The following RBM20 variants were observed in gnomAD, a reference collection of about 807,000 sequenced individuals.
RBM20 encodes RNA-binding protein 20.
RBM20 carries 51 observed loss-of-function variants against 110.1 expected under a neutral mutation model. The ratio of observed to expected loss-of-function variants is 0.46; its 90% CI spans 0.37 to 0.59. The LOEUF is 0.59. Ranked by LOEUF, RBM20 falls within the 20% of genes least tolerant of loss-of-function variation. The probability of loss-of-function intolerance (pLI) is 0.00; values close to 1 mark genes in which losing one functional copy is unlikely to be tolerated. For synonymous variants in RBM20, 589 were observed against 618.2 expected (o/e 0.95, Z 0.70); for missense variants, 1,512 against 1,574.9 (o/e 0.96, Z 0.68).
At chr10:110,747,849 C>G (rs1217746271) in intron 1 of RBM20, among the ~76,000 whole-genome samples, 1 of 151,212 alleles carries the variant, frequency 6.6e-6, no homozygotes, top group Admixed American at 6.6e-5. Flanking sequence ...AGTTTTCTTT[C>G]TGCAAGAGAA....
At chr10:110,751,218 G>C (rs545721859) in intron 1 of RBM20, among the ~76,000 whole-genome samples, 1 of 152,322 alleles carries the variant, frequency 6.6e-6, no homozygotes, top group African/African-American at 2.4e-5. Context: ...TGTAAAACCT[G>C]TCTGGGTGCT....
chr10:110,653,871 C>T (rs1456420347), intron 1 of RBM20, among the ~76,000 whole-genome samples: 2 of 152,158 alleles, frequency 1.3e-5, no homozygotes, highest in African/African-American at 2.4e-5. Flanking sequence ...TCTTTTTAAT[C>T]TACCAAGTAT....
chr10:110,691,386 G>C (rs7075052), intron 1 of RBM20, among the ~76,000 whole-genome samples: 5,281 of 152,256 alleles, frequency 0.035, 303 homozygotes, highest in African/African-American at 0.12. Flanking sequence ...ACCATTTTAT[G>C]TTCCCACCAG....
chr10:110,810,855 G>C (rs1469054214), intron 8 of RBM20, among the ~76,000 whole-genome samples: 1 of 151,856 alleles, frequency 6.6e-6, no homozygotes, highest in Non-Finnish European at 1.5e-5. Context: ...GCGTGTGTGT[G>C]TGTGTGTACG....
intron 1 of RBM20, among the ~76,000 whole-genome samples, chr10:110,725,354 G>A (rs183332796): frequency 1.6e-4 from 24 of 152,306 alleles, no homozygotes; most frequent in Admixed American, 1.5e-3. Flanking sequence ...ACCCTTGTGG[G>A]GGACCTGTAG....
chr10:110,783,593 G>A lies in RBM20; in HGVS notation c.1337+166G>A, dbSNP rs117122797. Among the ~76,000 whole-genome samples, 850 of 152,322 alleles carry A rather than the reference G, an allele frequency of 5.6e-3. 3 individuals are homozygous for A. Among genetic ancestry groups the A allele is most frequent in the Middle Eastern group, 0.024 (7 of 294 alleles). On this transcript the variant is annotated intron_variant, in intron 3 of 13. Transcript: ENST00000369519. The stretch of plus-strand genomic sequence containing the variant: ...TGTGCTTCACAGGGGCCAGGGAGAT[G>A]ATAAACAAAATGAACAAGAAAATTA...
intron 1 of RBM20, among the ~76,000 whole-genome samples, chr10:110,770,292 C>T (rs1844170190): frequency 6.6e-6 from 1 of 152,148 alleles, no homozygotes; most frequent in Admixed American, 6.5e-5. Flanking sequence ...TGAGGTACCC[C>T]AGTCCTCAGA....
chr10:110,702,266 G>T (rs1178095737), intron 1 of RBM20, among the ~76,000 whole-genome samples: 1 of 152,206 alleles, frequency 6.6e-6, no homozygotes, highest in Admixed American at 6.5e-5. Flanking sequence ...TCAGCTGAGT[G>T]TGGTGGCTCA....
At chr10:110,749,906 A>C (rs1032038481) in intron 1 of RBM20, among the ~76,000 whole-genome samples, 4 of 152,240 alleles carry the variant, frequency 2.6e-5, no homozygotes, top group Middle Eastern at 3.2e-3. Flanking sequence ...CAACCCCGGG[A>C]GAATATCTTT....
intron 5 of RBM20, among the ~76,000 whole-genome samples, chr10:110,789,131 C>T (rs1728242824): frequency 6.6e-6 from 1 of 152,222 alleles, no homozygotes; most frequent in African/African-American, 2.4e-5. Context: ...CAGCCAGGAT[C>T]CTGCCACTGT....
intron 1 of RBM20, among the ~76,000 whole-genome samples, chr10:110,677,937 A>C (rs1862362993): frequency 6.6e-6 from 1 of 152,128 alleles, no homozygotes; most frequent in South Asian, 2.1e-4. Flanking sequence ...GGGGAACTTC[A>C]TTTTTAATTC....
chr10:110,690,028 A>C (rs1191525392), intron 1 of RBM20, among the ~76,000 whole-genome samples: 1 of 152,220 alleles, frequency 6.6e-6, no homozygotes, highest in Non-Finnish European at 1.5e-5. Context: ...TTATCTTAAA[A>C]ACCCTGGAAA....
intron 1 of RBM20, among the ~76,000 whole-genome samples, chr10:110,725,611 A>G (rs1788086401): frequency 6.6e-6 from 1 of 152,262 alleles, no homozygotes; most frequent in South Asian, 2.1e-4. Context: ...GTGTACATGT[A>G]TAACATAAAA....
intron 1 of RBM20, among the ~76,000 whole-genome samples, chr10:110,747,300 G>GT (rs1183865843): frequency 6.6e-6 from 1 of 150,732 alleles, no homozygotes; most frequent in African/African-American, 2.4e-5. Flanking sequence ...TTTTTTTGGG[G>GT]GGGGGGGTCA....
intron 2 of RBM20, 125 bp downstream of exon 2, chr10:110,782,009 G>A (rs919484420): frequency 3.3e-6 from 4 of 1,216,660 alleles, no homozygotes; most frequent in South Asian, 1.4e-5. Flanking sequence ...TTTGCCATCA[G>A]TATTCTTGAC....
Position 110,778,189 on chromosome 10 carries a change from C to G in RBM20, c.192-2612C>G, listed in dbSNP as rs539092810. Among the ~76,000 whole-genome samples, 7 of 152,362 alleles carry G rather than the reference C, an allele frequency of 4.6e-5. No individual in the cohort carries two copies. The South Asian group carries it at 1.2e-3, about 27-fold the overall frequency. ...TGTAACTACCTTTAACTTTCAGTGC[C>G]CTCTTCCCCCATATTTTAAAATGCA... is the stretch of plus-strand genomic sequence containing the variant. On this transcript the variant is annotated intron_variant, in intron 1 of 13. Coordinates refer to ENST00000369519, the MANE Select transcript of RBM20 (RefSeq NM_001134363.3).
intron 1 of RBM20, among the ~76,000 whole-genome samples, chr10:110,678,593 C>CT (rs998474368): frequency 5.3e-5 from 8 of 152,184 alleles, no homozygotes; most frequent in South Asian, 4.1e-4. Flanking sequence ...AGTCTGGGGT[C>CT]TACTCTTCAT....
At chr10:110,647,776 C>A (rs757855000) in intron 1 of RBM20, among the ~76,000 whole-genome samples, 3 of 152,024 alleles carry the variant, frequency 2.0e-5, no homozygotes, top group African/African-American at 4.8e-5. Flanking sequence ...CAAACCTAAT[C>A]CTTTATTTAT....
At chr10:110,666,915 C>A (rs1278632669) in intron 1 of RBM20, among the ~76,000 whole-genome samples, 1 of 152,064 alleles carries the variant, frequency 6.6e-6, no homozygotes, top group Non-Finnish European at 1.5e-5. Context: ...CCTTTGAGGG[C>A]GGGAAATTTA....
Sources: allele counts gnomAD v4.1 joint callset (sites outside exome capture counted in the v4.1 genomes callset), GRCh38; gene constraint gnomAD v4.1.1; transcripts MANE v1.5; gene names NCBI Gene and HGNC (gene_info 2026-07-23, HGNC 2026-07-21).